The following DYNC1I1 variants were observed in gnomAD, a reference collection of about 807,000 sequenced individuals.
DYNC1I1 encodes cytoplasmic dynein 1 intermediate chain 1.
Under a neutral mutation model 86.6 loss-of-function variants are expected in DYNC1I1, and 43 were observed. The observed-to-expected ratio is 0.50, with a 90% CI of 0.39 to 0.64. The LOEUF (loss-of-function observed/expected upper bound fraction) is 0.64, where lower values mean the gene tolerates loss of function less well. Ranked by LOEUF, DYNC1I1 falls within the 30% of genes least tolerant of loss-of-function variation. The pLI is 0.00. For missense variants in DYNC1I1, 604 were observed against 788.8 expected, an observed-to-expected ratio of 0.77 and a Z score of 2.81; for synonymous variants, 262 against 283.7, an observed-to-expected ratio of 0.92 and a Z score of 0.77.
At chr7:95,777,044 G>A (rs1051797659) in intron 1 of DYNC1I1, among the ~76,000 whole-genome samples, 4 of 152,144 alleles carry the variant, frequency 2.6e-5, no homozygotes, top group African/African-American at 9.7e-5. Flanking sequence ...TCCTACCATA[G>A]CTCATAGTTT....
chr7:96,069,984 CAAAT>C (rs1790111821), intron 14 of DYNC1I1, among the ~76,000 whole-genome samples: 1 of 152,104 alleles, frequency 6.6e-6, no homozygotes, highest in Admixed American at 6.5e-5. Flanking sequence ...ACACAAAAAA[CAAAT>C]AGACCACTAT....
chr7:95,940,783 C>T (rs1368736589), intron 6 of DYNC1I1, among the ~76,000 whole-genome samples: 1 of 152,330 alleles, frequency 6.6e-6, no homozygotes, highest in South Asian at 2.1e-4. Context: ...TCATCTGAAG[C>T]CTTCTTCTCT....
chr7:96,076,219 C>G (rs762197282), intron 15 of DYNC1I1, 22 bp downstream of exon 15: 4 of 1,612,414 alleles, frequency 2.5e-6, no homozygotes, highest in African/African-American at 1.3e-5. Context: ...CTCAGGCGCC[C>G]GGGCCGGAGG....
At chr7:96,094,836 A>G (rs528973123) in intron 16 of DYNC1I1, among the ~76,000 whole-genome samples, 1 of 152,314 alleles carries the variant, frequency 6.6e-6, no homozygotes, top group Non-Finnish European at 1.5e-5. Context: ...TGTTTTCATC[A>G]TGTTCTACTC....
At chr7:95,800,002 T>C (rs1794539953) in intron 1 of DYNC1I1, among the ~76,000 whole-genome samples, 1 of 150,730 alleles carries the variant, frequency 6.6e-6, no homozygotes, top group Admixed American at 6.7e-5. Context: ...ATTTAGTATT[T>C]GCCAGGCATA....
chr7:95,888,297 C>T (rs1029027768), intron 6 of DYNC1I1, among the ~76,000 whole-genome samples: 2 of 151,942 alleles, frequency 1.3e-5, no homozygotes, highest in African/African-American at 4.8e-5. Context: ...TCTAGCTGAA[C>T]GTGGTAGTGC....
At chr7:96,064,972 T>C (rs759584989) in intron 14 of DYNC1I1, among the ~76,000 whole-genome samples, 3 of 151,988 alleles carry the variant, frequency 2.0e-5, no homozygotes, top group Non-Finnish European at 4.4e-5. Flanking sequence ...GTAGTAGTGT[T>C]ATGATTTGCT....
chr7:95,871,599 G>T (rs1312309501), intron 6 of DYNC1I1, among the ~76,000 whole-genome samples: 6 of 152,134 alleles, frequency 3.9e-5, no homozygotes, highest in Non-Finnish European at 7.3e-5. Context: ...AATAGGAGAA[G>T]GAGTGAATTA....
intron 10 of DYNC1I1, among the ~76,000 whole-genome samples, chr7:96,000,024 T>C (rs182168998): frequency 6.3e-4 from 96 of 152,324 alleles, no homozygotes; most frequent in Non-Finnish European, 2.6e-4. Flanking sequence ...GGATTTTTAT[T>C]TATTTTTTTA....
intron 4 of DYNC1I1, among the ~76,000 whole-genome samples, chr7:95,815,631 C>T (rs1794930033): frequency 1.3e-5 from 2 of 151,994 alleles, no homozygotes; most frequent in African/African-American, 2.4e-5. Flanking sequence ...GTAGAAGACA[C>T]ATCTTTGAAA....
At chr7:96,057,041 G>A (rs1253812184) in intron 14 of DYNC1I1, among the ~76,000 whole-genome samples, 1 of 152,154 alleles carries the variant, frequency 6.6e-6, no homozygotes, top group Non-Finnish European at 1.5e-5. Flanking sequence ...CTAACCATTA[G>A]TCTCATAAAC....
chr7:95,906,597 T>A (rs1584147204), intron 6 of DYNC1I1, among the ~76,000 whole-genome samples: 1 of 152,052 alleles, frequency 6.6e-6, no homozygotes, highest in Non-Finnish European at 1.5e-5. Context: ...TAGCCTTAAT[T>A]TTTTTTTCAT....
intron 6 of DYNC1I1, among the ~76,000 whole-genome samples, chr7:95,876,855 C>G (rs1790322171): frequency 6.6e-6 from 1 of 151,938 alleles, no homozygotes; most frequent in African/African-American, 2.4e-5. Context: ...AATCTACTTC[C>G]CAGTAAAATT....
intron 16 of DYNC1I1, among the ~76,000 whole-genome samples, chr7:96,087,621 G>A (rs189817948): frequency 2.0e-5 from 3 of 152,284 alleles, no homozygotes; most frequent in East Asian, 1.9e-4. Context: ...AGACTTAGGC[G>A]TAAATTCTTC....
intron 9 of DYNC1I1, among the ~76,000 whole-genome samples, chr7:95,990,176 T>C (rs1793696578): frequency 6.6e-6 from 1 of 152,168 alleles, no homozygotes; most frequent in Admixed American, 6.5e-5. Context: ...TCTGGGAAGC[T>C]GGAGGATTAT....
chr7:96,085,444 A>G (rs1790650175), intron 16 of DYNC1I1, among the ~76,000 whole-genome samples: 1 of 152,188 alleles, frequency 6.6e-6, no homozygotes, highest in African/African-American at 2.4e-5. Context: ...GAGGTAAAAT[A>G]TAAAACAGCA....
chr7:96,026,430 T>C (rs536618550), intron 10 of DYNC1I1, among the ~76,000 whole-genome samples: 7 of 151,626 alleles, frequency 4.6e-5, no homozygotes, highest in Admixed American at 1.3e-4. Flanking sequence ...AGGTTTTTTT[T>C]TGGGGTTTTT....
chr7:95,942,666 T>G (rs1026211166), intron 6 of DYNC1I1, among the ~76,000 whole-genome samples: 9 of 150,698 alleles, frequency 6.0e-5, no homozygotes, highest in African/African-American at 2.2e-4. Flanking sequence ...TCAAAAAGCT[T>G]ATCCACCATG....
chr7:95,795,368 A>G (rs1156572946), intron 1 of DYNC1I1, among the ~76,000 whole-genome samples: 1 of 150,212 alleles, frequency 6.7e-6, no homozygotes, highest in African/African-American at 2.4e-5. Context: ...TATGGGTAAA[A>G]TGCTGGTACT....
Sources: gnomAD v4.1 joint callset for allele counts (sites outside exome capture counted in the v4.1 genomes callset) on GRCh38, gnomAD v4.1.1 for gene constraint, MANE v1.5 for transcripts, NCBI Gene and HGNC (gene_info 2026-07-23, HGNC 2026-07-21) for gene names.